Variants in SRCAP observed in about 807,000 individuals in gnomAD.
SRCAP encodes the protein chromatin remodeling protein SRCAP.
In SRCAP, 46 loss-of-function variants were observed where a neutral mutation model predicts 263.1. That is an observed-to-expected ratio of 0.17 (90% CI 0.14 to 0.22). SRCAP has a LOEUF of 0.22. Among genes scored for constraint, SRCAP ranks in the 10% least tolerant of loss-of-function variants. SRCAP has a pLI of 1.00. For missense variants in SRCAP, 3,695 were observed against 4,181.9 expected, an observed-to-expected ratio of 0.88 and a Z score of 3.21; for synonymous variants, 1,813 against 1,662.1, an observed-to-expected ratio of 1.09 and a Z score of -2.21.
At chr16:30,712,919 A>T (rs986203624) in intron 14 of SRCAP, 104 bp downstream of exon 14, 1 of 1,388,964 alleles carries the variant, frequency 7.2e-7, no homozygotes, top group Admixed American at 2.8e-5. Flanking sequence ...TTTTAAAAAA[A>T]ATTTTTTAAT....
chr16:30,722,746 A>C lies in SRCAP; in HGVS notation c.3890A>C (p.Gln1297Pro), dbSNP rs764841409. The change falls in exon 23 of 34, where the codon CAG becomes CCG. Residue 1297 changes from glutamine to proline, a missense_variant and splice_region_variant. Coordinates refer to ENST00000262518, the MANE Select transcript of SRCAP (RefSeq NM_006662.3). Reference sequence around the variant, plus strand: ...CTCAGCCTTCCGCTTGCTGCTAACCAGGGTGAGGCTCCTGGCCTTCCTACT... The same window carrying C: ...CTCAGCCTTCCGCTTGCTGCTAACCCGGGTGAGGCTCCTGGCCTTCCTACT... The part of the protein sequence containing the change: ...TGLSLPLAAN[Q>P]VPPTMVNNTG... 1 of 1,607,732 alleles carries C rather than the reference A, an allele frequency of 6.2e-7. No homozygotes were observed. Among genetic ancestry groups the C allele is most frequent in the African/African-American group, 1.3e-5 (1 of 74,612 alleles).
Position 30,738,215 on chromosome 16 carries a change from T to C in SRCAP, c.8175T>C (p.Ser2725=). 6.2e-7 allele frequency: 1 copy of C among 1,614,064 alleles called. No individual in the cohort carries two copies. The highest frequency in any genetic ancestry group is 8.5e-7 in the Non-Finnish European group (1 of 1,180,004). ...SPARPPRRRT[S]ADVEIRGQGT... ...CCCGACCTCCTCGGCGTCGCACCAG[T>C]GCTGATGTGGAAATTAGGGGTCAAG... is the stretch of plus-strand genomic sequence containing the variant. Residue 2725 remains serine, a synonymous_variant, in exon 34 of 34, where the codon AGT becomes AGC. Coordinates refer to ENST00000262518, the MANE Select transcript of SRCAP (RefSeq NM_006662.3).
At position 30,737,327 on chromosome 16, in the gene SRCAP, C is replaced by T. The variant is rs758972811; in HGVS notation, c.7287C>T (p.Cys2429=). ...QTRSTTTPPR[C]SPARERVPRP... ...GCAGCACCACCACACCACCCCGCTG[C>T]AGTCCTGCCAGGGAGCGAGTTCCCA... Residue 2429 remains cysteine, a synonymous_variant, in exon 34 of 34, where the codon TGC becomes TGT. Transcript: ENST00000262518. 10 of 1,614,072 alleles carry T rather than the reference C, an allele frequency of 6.2e-6. No individual in the cohort carries two copies. The African/African-American group carries it at 9.3e-5, about 15-fold the overall frequency.
Position 30,733,587 on chromosome 16 carries a change from TC to T in SRCAP, c.6298-12del. 2 of 1,607,014 alleles carry T rather than the reference TC, an allele frequency of 1.2e-6. No individual in the cohort carries two copies. Among genetic ancestry groups the T allele is most frequent in the Non-Finnish European group, 1.7e-6 (2 of 1,174,972 alleles). On this transcript the variant is annotated splice_polypyrimidine_tract_variant and intron_variant, in intron 28 of 33. Coordinates refer to ENST00000262518, the MANE Select transcript of SRCAP (RefSeq NM_006662.3). The surrounding 1 kb of genome is among the most constrained non-coding windows in gnomAD (Gnocchi z 5.3). ...TAAGTCTCCCAGTATCATCTTTTTT[TC>T]CCTTTCCTTCTAGGCCTTGATGGAA...
In SRCAP at chr16:30,738,244, C is replaced by G. The variant is rs1422768403; in HGVS notation, c.8204C>G (p.Thr2735Ser). Residue 2735 changes from threonine to serine, a missense_variant, in exon 34 of 34, where the codon ACT (threonine) becomes AGT (serine). Around this residue, in one of 12 missense-constraint regions of SRCAP, gnomAD observed 1,207 missense variants for 1,142.9 expected, o/e 1.06. Transcript: ENST00000262518. ...SADVEIRGQGTGRPGQPPGPK... is the reference protein window; with the variant it reads ...SADVEIRGQGSGRPGQPPGPK... Reference sequence around the variant, plus strand: ...GATGTGGAAATTAGGGGTCAAGGGACTGGTCGGCCAGGACAACCACCAGGC... The same window carrying G: ...GATGTGGAAATTAGGGGTCAAGGGAGTGGTCGGCCAGGACAACCACCAGGC... 1.2e-6 allele frequency: 2 copies of G among 1,613,626 alleles called. 1 individual carries two copies. The highest frequency in any genetic ancestry group is 3.3e-4 in the Middle Eastern group (2 of 6,060).
At chr16:30,714,604 G>T (rs1032259159) in intron 16 of SRCAP, among the ~76,000 whole-genome samples, 1 of 136,512 alleles carries the variant, frequency 7.3e-6, no homozygotes, top group African/African-American at 2.7e-5. Context: ...AGGTTCAAGC[G>T]ATTCTCCTGC....
At position 30,700,610 on chromosome 16, in the gene SRCAP, C is replaced by G; in HGVS notation, c.-209-6C>G. 2 of 353,930 alleles carry G rather than the reference C, an allele frequency of 5.7e-6. No individual in the cohort carries two copies. The allele number at this position is 353,930 out of a possible 1,614,324, so 21.9% of individuals were successfully genotyped here. On this transcript the variant is annotated splice_region_variant and splice_polypyrimidine_tract_variant and intron_variant, in intron 2 of 33. Transcript: ENST00000262518. ...GTCTTTTTTTTTTTTTTTAACCCTACTTTAGGTGCTCCAGAGGCTGGTGGA... is the reference window on the plus strand; with the variant it reads ...GTCTTTTTTTTTTTTTTTAACCCTAGTTTAGGTGCTCCAGAGGCTGGTGGA...
intron 18 of SRCAP, among the ~76,000 whole-genome samples, chr16:30,717,459 T>C (rs1289660438): frequency 1.3e-5 from 2 of 152,026 alleles, no homozygotes; most frequent in Admixed American, 1.3e-4. Context: ...GGTGGTTTTT[T>C]TTTTCGAGAC....
rs764118804 is a variant in SRCAP at position 30,710,135 on chromosome 16, G to A, written c.1134+7G>A. 3 of 1,610,990 alleles carry A rather than the reference G, an allele frequency of 1.9e-6. No homozygotes were observed. The highest frequency in any genetic ancestry group is 1.7e-6 in the Non-Finnish European group (2 of 1,177,824). ...GCCCCCTCAGGTGTTGGAGGTATAG[G>A]CAGAAGGAGCAGAGGGAGGGTTCAG... is the stretch of plus-strand genomic sequence containing the variant. On this transcript the variant is annotated splice_region_variant and intron_variant, in intron 8 of 33. Coordinates refer to ENST00000262518, the MANE Select transcript of SRCAP (RefSeq NM_006662.3).
chr16:30,730,440 C>CT (rs1314764215), intron 27 of SRCAP, among the ~76,000 whole-genome samples: 4 of 150,664 alleles, frequency 2.7e-5, no homozygotes, highest in East Asian at 1.9e-4. Flanking sequence ...TTCTTTCTTT[C>CT]TTTTTTTTTC....
Position 30,712,800 on chromosome 16 carries a change from G to A in SRCAP, c.2115G>A (p.Arg705=). The change falls in exon 14 of 34, where the codon AGG becomes AGA. Residue 705 remains arginine (R), a synonymous_variant. Coordinates refer to ENST00000262518, the MANE Select transcript of SRCAP (RefSeq NM_006662.3). The stretch of plus-strand genomic sequence containing the variant: ...CTTACTATGGAGCCCAGAAAGAGAG[G>A]AAGCTCAAGCGGCAGGTTCGATGTT... ...ILTYYGAQKE[R]KLKRQGWTKP... 6.2e-7 allele frequency: 1 copy of A among 1,614,140 alleles called. No individual in the cohort carries two copies. The highest frequency in any genetic ancestry group is 8.5e-7 in the Non-Finnish European group (1 of 1,180,008).
At chr16:30,704,025 C>G (rs772677313) in intron 3 of SRCAP, 39 bp from the exon 4 acceptor site, 5 of 1,586,412 alleles carry the variant, frequency 3.2e-6, no homozygotes, top group Admixed American at 3.5e-5. Context: ...CAGCACAGTG[C>G]GAAGCATTTA....
At chr16:30,736,713 C>T in intron 33 of SRCAP, 89 bp downstream of exon 33, 2 of 1,428,670 alleles carry the variant, frequency 1.4e-6, no homozygotes. Context: ...CGCTCTGTCG[C>T]CCAGGCTGGA....
Position 30,716,304 on chromosome 16 carries a change from C to T in SRCAP, c.2642C>T (p.Thr881Ile). 6.2e-7 allele frequency: 1 copy of T among 1,614,134 alleles called. No homozygotes were observed. Among genetic ancestry groups the T allele is most frequent in the Admixed American group, 1.7e-5 (1 of 60,022 alleles). The change falls in exon 18 of 34, where the codon ACA becomes ATA. Residue 881 changes from threonine to isoleucine, a missense_variant. Coordinates refer to ENST00000262518, the MANE Select transcript of SRCAP (RefSeq NM_006662.3). Reference protein sequence around the residue: ...DFMAQTTTKETLATGHFMSVI... With the variant: ...DFMAQTTTKEILATGHFMSVI... ...TCCTCTTTCCCCAGAACTAAGGAGACACTAGCCACAGGCCATTTCATGAGC... is the reference window on the plus strand; with the variant it reads ...TCCTCTTTCCCCAGAACTAAGGAGATACTAGCCACAGGCCATTTCATGAGC...
chr16:30,737,469 C>G lies in SRCAP; in HGVS notation c.7429C>G (p.Leu2477Val). ...PISAPNPITILPVHILPSPPP... is the reference protein window; with the variant it reads ...PISAPNPITIVPVHILPSPPP... ...TTCAGCCCCAAATCCAATAACCATT[C>G]TCCCTGTCCATATCTTGCCTTCTCC... The change falls in exon 34 of 34, where the codon CTC (leucine) becomes GTC (valine). Residue 2477 changes from leucine to valine, a missense_variant. Physicochemically the swap from Leu to Val is conservative, Grantham distance 32. Coordinates refer to ENST00000262518, the MANE Select transcript of SRCAP (RefSeq NM_006662.3). The G allele has an allele frequency of 6.3e-7, 1 of 1,591,182 alleles. No homozygotes were observed. Among genetic ancestry groups the G allele is most frequent in the Non-Finnish European group, 8.6e-7 (1 of 1,163,770 alleles).
rs1411107516 is a variant in SRCAP at position 30,739,365 on chromosome 16, C to T, written c.9325C>T (p.Pro3109Ser). 4 of 1,614,200 alleles carry T rather than the reference C, an allele frequency of 2.5e-6. No homozygotes were observed. Among genetic ancestry groups the T allele is most frequent in the East Asian group, 2.2e-5 (1 of 44,878 alleles). ...SGPGGLELTP[P>S]VVSLTPKLRS... ...GCCAGGCGGGTTGGAATTGACACCA[C>T]CTGTGGTCTCACTAACCCCAAAACT... The change falls in exon 34 of 34, where the codon CCT becomes TCT. Residue 3109 changes from proline to serine, a missense_variant. Physicochemically the swap from Pro to Ser is moderately conservative, Grantham distance 74 (BLOSUM62 -1). Coordinates refer to ENST00000262518, the MANE Select transcript of SRCAP (RefSeq NM_006662.3).
chr16:30,710,066 G>T lies in SRCAP; in HGVS notation c.1072G>T (p.Asp358Tyr). Residue 358 changes from aspartate to tyrosine, a missense_variant, in exon 8 of 34, where the codon GAT becomes TAT. Asp to Tyr is a radical substitution (Grantham distance 160). Coordinates refer to ENST00000262518, the MANE Select transcript of SRCAP (RefSeq NM_006662.3). Reference protein sequence around the residue: ...SSPSQTPSSHDSDTRDGPEEG... With the variant: ...SSPSQTPSSHYSDTRDGPEEG... ...CCCCTCTCAAACCCCCTCATCTCATGATAGTGACACCCGAGATGGGCCTGA... is the reference window on the plus strand; with the variant it reads ...CCCCTCTCAAACCCCCTCATCTCATTATAGTGACACCCGAGATGGGCCTGA... 1 of 1,614,156 alleles carries T rather than the reference G, an allele frequency of 6.2e-7. No individual in the cohort carries two copies. Among genetic ancestry groups the T allele is most frequent in the Non-Finnish European group, 8.5e-7 (1 of 1,180,028 alleles).
Position 30,720,964 on chromosome 16 carries a change from G to A in SRCAP, c.3239G>A (p.Gly1080Asp), listed in dbSNP as rs780477234. ...VLLPPLQPNSGSLPQVLPSPL... is the reference protein window; with the variant it reads ...VLLPPLQPNSDSLPQVLPSPL... The stretch of plus-strand genomic sequence containing the variant: ...TTGCCTCCACTGCAGCCCAACAGTG[G>A]TTCTCTCCCCCAGGGTGAGTTGAAA... Residue 1080 changes from glycine to aspartate, a missense_variant, in exon 20 of 34, where the codon GGT (glycine) becomes GAT (aspartate). Gly to Asp is a moderately conservative substitution (Grantham distance 94). This residue lies in a region of SRCAP where 1,347 missense variants were observed against 1,304.4 expected (regional missense o/e 1.03). Coordinates refer to ENST00000262518, the MANE Select transcript of SRCAP (RefSeq NM_006662.3). 1 of 1,607,562 alleles carries A rather than the reference G, an allele frequency of 6.2e-7. No individual in the cohort carries two copies. The highest frequency in any genetic ancestry group is 1.3e-5 in the African/African-American group (1 of 74,958).
Position 30,725,024 on chromosome 16 carries a change from T to TTGGTGGCCCCC in SRCAP, c.5601_5611dup (p.Arg1871LeufsTer100). ...AGCCCTCCCTCCACTGCTACCTCGT[T>TTGGTGGCCCCC]TGGTGGCCCCCGGCCTCGACGCCAG... On this transcript the variant is annotated frameshift_variant, in exon 25 of 34. Coordinates refer to ENST00000262518, the MANE Select transcript of SRCAP (RefSeq NM_006662.3). LOFTEE classifies it high-confidence loss of function. 6.2e-7 allele frequency: 1 copy of TTGGTGGCCCCC among 1,611,958 alleles called. No individual in the cohort carries two copies. The highest frequency in any genetic ancestry group is 1.3e-5 in the African/African-American group (1 of 75,010).
Sources: gnomAD v4.1 joint callset for allele counts (sites outside exome capture counted in the v4.1 genomes callset) on GRCh38, gnomAD v4.1.1 for gene constraint, gnomAD v4.1.1 regional missense constraint, Gnocchi (gnomAD v3.1) non-coding constraint, MANE v1.5 for transcripts, NCBI Gene and HGNC (gene_info 2026-07-23, HGNC 2026-07-21) for gene names.